Variants in CCSER1 observed in about 807,000 individuals in gnomAD.
CCSER1 encodes the protein coiled-coil serine rich protein 1.
Under a neutral mutation model 82.0 loss-of-function variants are expected in CCSER1, and 41 were observed. The observed-to-expected ratio is 0.50, with a 90% confidence interval of 0.39 to 0.65. The LOEUF (loss-of-function observed/expected upper bound fraction) is 0.65. Among genes scored for constraint, CCSER1 ranks in the 30% least tolerant of loss-of-function variants. The pLI is 0.00. For synonymous variants in CCSER1, 414 were observed against 383.9 expected, an observed-to-expected ratio of 1.08 and a Z score of -0.92; for missense variants, 1,119 against 1,064.2, an observed-to-expected ratio of 1.05 and a Z score of -0.72.
intron 10 of CCSER1, among the ~76,000 whole-genome samples, chr4:91,138,754 AC>A (rs1457501408): frequency 2.0e-5 from 3 of 146,958 alleles, no homozygotes; most frequent in African/African-American, 7.6e-5. Flanking sequence ...AAAACAAACA[AC>A]CCCATCAAAA....
At chr4:90,225,087 C>T (rs1742891397) in intron 1 of CCSER1, among the ~76,000 whole-genome samples, 1 of 151,362 alleles carries the variant, frequency 6.6e-6, no homozygotes, top group Non-Finnish European at 1.5e-5. Flanking sequence ...ATTTTTGAGA[C>T]AGTTTTCACT....
At chr4:91,162,647 G>T (rs548773981) in intron 10 of CCSER1, among the ~76,000 whole-genome samples, 1 of 152,068 alleles carries the variant, frequency 6.6e-6, no homozygotes, top group Non-Finnish European at 1.5e-5. Context: ...CTTCTTCCTG[G>T]TTTAGTCTTG....
intron 10 of CCSER1, among the ~76,000 whole-genome samples, chr4:91,574,786 C>T (rs926026535): frequency 6.6e-6 from 1 of 151,918 alleles, no homozygotes; most frequent in Non-Finnish European, 1.5e-5. Context: ...CTGTTTGTTA[C>T]TATGCTCATT....
At chr4:91,036,831 C>T (rs963150846) in intron 9 of CCSER1, among the ~76,000 whole-genome samples, 1 of 152,096 alleles carries the variant, frequency 6.6e-6, no homozygotes, top group African/African-American at 2.4e-5. Context: ...GTGATTCCAA[C>T]ACTTTGAGAG....
At chr4:90,893,792 T>TGTGTG (rs34693713) in intron 8 of CCSER1, among the ~76,000 whole-genome samples, 1 of 145,330 alleles carries the variant, frequency 6.9e-6, no homozygotes, top group East Asian at 1.9e-4. Flanking sequence ...TGTGTGTGTG[T>TGTGTG]GGGGGGTGAA....
intron 4 of CCSER1, among the ~76,000 whole-genome samples, chr4:90,412,796 C>T (rs1755093984): frequency 6.6e-6 from 1 of 152,176 alleles, no homozygotes; most frequent in African/African-American, 2.4e-5. Flanking sequence ...CCACAGACAA[C>T]ATCATACTGA....
intron 3 of CCSER1, among the ~76,000 whole-genome samples, chr4:90,335,991 C>T (rs1579251927): frequency 6.6e-6 from 1 of 152,170 alleles, no homozygotes; most frequent in African/African-American, 2.4e-5. Flanking sequence ...AGAACACTCA[C>T]CATTTCTATG....
intron 10 of CCSER1, among the ~76,000 whole-genome samples, chr4:91,463,535 G>T (rs112935593): frequency 0.01 from 1,553 of 152,036 alleles, 11 homozygotes; most frequent in Middle Eastern, 0.02. Flanking sequence ...GAGAGAAGGC[G>T]TCAGACGATC....
chr4:91,472,060 G>T (rs543476644), intron 10 of CCSER1, among the ~76,000 whole-genome samples: 1 of 151,670 alleles, frequency 6.6e-6, no homozygotes, highest in South Asian at 2.1e-4. Flanking sequence ...TCTCATTTTA[G>T]AATTCACTTG....
At chr4:90,916,282 A>G (rs1321534614) in intron 8 of CCSER1, among the ~76,000 whole-genome samples, 5 of 152,192 alleles carry the variant, frequency 3.3e-5, no homozygotes, top group African/African-American at 1.2e-4. Context: ...GGCTACAGTA[A>G]CCAAAGCAGC....
At chr4:91,311,830 TA>T (rs1745503883) in intron 10 of CCSER1, among the ~76,000 whole-genome samples, 1 of 151,896 alleles carries the variant, frequency 6.6e-6, no homozygotes, top group South Asian at 2.1e-4. Context: ...ATCTTTTCAA[TA>T]AATTTTCCTT....
At chr4:90,306,771 A>G (rs537272507) in intron 1 of CCSER1, among the ~76,000 whole-genome samples, 1 of 152,342 alleles carries the variant, frequency 6.6e-6, no homozygotes, top group Admixed American at 6.5e-5. Flanking sequence ...AGACTAAGAA[A>G]TGAAACAGAG....
chr4:91,367,317 CAAAAAAAA>C (rs557952182), intron 10 of CCSER1, among the ~76,000 whole-genome samples: 3 of 75,042 alleles, frequency 4.0e-5, no homozygotes, highest in African/African-American at 1.2e-4. Context: ...ATCCTGTCTC[CAAAAAAAA>C]AAAAAAAAAA....
rs185327276 is a variant in CCSER1 at position 91,307,722 on chromosome 4, G to A, written c.2217+221728G>A. Among the ~76,000 whole-genome samples, 59 of 152,038 alleles carry A rather than the reference G, an allele frequency of 3.9e-4. 1 individual carries two copies. The East Asian group carries it at 6.8e-3, about 18-fold the overall frequency. ...TTGCTGAAGGGAAACAAAGAAAACA[G>A]TATAACTGCTTAAATAGAAACCATA... On this transcript the variant is annotated intron_variant, in intron 10 of 10. Coordinates refer to ENST00000509176, the MANE Select transcript of CCSER1 (RefSeq NM_001145065.2).
At chr4:90,938,677 C>A (rs1471912661) in intron 9 of CCSER1, 3 of 379,862 alleles carry the variant, frequency 7.9e-6, no homozygotes, top group South Asian at 2.1e-5. Context: ...CTTTTCAAGG[C>A]CCTGTGGAAT....
At chr4:90,394,860 A>G (rs956475947) in intron 3 of CCSER1, among the ~76,000 whole-genome samples, 4 of 152,184 alleles carry the variant, frequency 2.6e-5, no homozygotes, top group Admixed American at 6.5e-5. Flanking sequence ...ATATGTGTAC[A>G]CTGTTGAATA....
chr4:90,884,924 T>G (rs1420007687), intron 8 of CCSER1, among the ~76,000 whole-genome samples: 1 of 152,156 alleles, frequency 6.6e-6, no homozygotes, highest in African/African-American at 2.4e-5. Context: ...ACAACAATAC[T>G]GTTGTGAAAT....
chr4:90,734,335 C>T (rs1745303260), intron 7 of CCSER1, among the ~76,000 whole-genome samples: 1 of 152,000 alleles, frequency 6.6e-6, no homozygotes, highest in Non-Finnish European at 1.5e-5. Context: ...CTGCGTTAGC[C>T]AGGATGGTCT....
intron 3 of CCSER1, among the ~76,000 whole-genome samples, chr4:90,375,728 C>T (rs1748194711): frequency 2.0e-5 from 3 of 152,128 alleles, no homozygotes; most frequent in Admixed American, 1.3e-4. Context: ...AAAACATTGC[C>T]AAACCTCTGG....
Sources: allele counts gnomAD v4.1 joint callset (sites outside exome capture counted in the v4.1 genomes callset), GRCh38; gene constraint gnomAD v4.1.1; transcripts MANE v1.5; gene names NCBI Gene and HGNC (gene_info 2026-07-23, HGNC 2026-07-21).